MKLN1: variants seen among roughly 807,000 people sequenced by gnomAD.
MKLN1 encodes the protein muskelin.
In MKLN1, 18 loss-of-function variants were observed where a neutral mutation model predicts 99.0. The observed-to-expected ratio is 0.18, with a 90% confidence interval of 0.13 to 0.27. MKLN1 has a LOEUF of 0.27. Among genes scored for constraint, MKLN1 ranks in the 10% least tolerant of loss-of-function variants. MKLN1 has a pLI of 1.00. For synonymous variants in MKLN1, 288 were observed against 293.2 expected (o/e 0.98, Z 0.18); for missense variants, 621 against 875.9 (o/e 0.71, Z 3.67).
chr7:131,246,567 T>A (rs551820613), intron 3 of MKLN1, among the ~76,000 whole-genome samples: 1 of 152,346 alleles, frequency 6.6e-6, no homozygotes, highest in Non-Finnish European at 1.5e-5. Context: ...TCTTTGCCTT[T>A]TAATTATTGA....
At chr7:131,458,950 A>T (rs142114600) in intron 12 of MKLN1, among the ~76,000 whole-genome samples, 1 of 152,220 alleles carries the variant, frequency 6.6e-6, no homozygotes, top group Non-Finnish European at 1.5e-5. Context: ...TGACACTCCT[A>T]TAATAAAAGA....
intron 3 of MKLN1, among the ~76,000 whole-genome samples, chr7:131,300,519 T>TTAA (rs1554548818): frequency 7.2e-6 from 1 of 139,032 alleles, no homozygotes; most frequent in Non-Finnish European, 1.5e-5. Flanking sequence ...TGTCTCTAGT[T>TTAA]AAAAAAAAAA....
At chr7:131,220,667 C>T (rs1014909649) in intron 3 of MKLN1, among the ~76,000 whole-genome samples, 1 of 152,044 alleles carries the variant, frequency 6.6e-6, no homozygotes, top group African/African-American at 2.4e-5. Context: ...AGCAGCTATT[C>T]GCTCATGCTG....
intron 2 of MKLN1, among the ~76,000 whole-genome samples, chr7:131,152,824 T>G (rs891956140): frequency 6.6e-6 from 1 of 152,034 alleles, no homozygotes; most frequent in African/African-American, 2.4e-5. Context: ...TACACTGAAG[T>G]TGGTTGATAT....
At chr7:131,333,847 A>G (rs1481843573) in intron 1 of MKLN1, among the ~76,000 whole-genome samples, 1 of 152,122 alleles carries the variant, frequency 6.6e-6, no homozygotes, top group Non-Finnish European at 1.5e-5. Flanking sequence ...AAAATTTTGA[A>G]CTCATTGGTG....
intron 1 of MKLN1, among the ~76,000 whole-genome samples, chr7:131,335,935 G>A (rs750529034): frequency 3.3e-5 from 5 of 151,014 alleles, no homozygotes; most frequent in Admixed American, 6.6e-5. Flanking sequence ...TTAAGTTCAA[G>A]TTTGTAAATT....
At chr7:131,110,338 G>T in intron 1 of MKLN1, 1 of 161,768 alleles carries the variant, frequency 6.2e-6, no homozygotes, top group East Asian at 1.9e-4. Context: ...AGGGACCCAG[G>T]CCGTAATAAG....
intron 2 of MKLN1, among the ~76,000 whole-genome samples, chr7:131,181,890 C>T (rs1200052953): frequency 6.6e-6 from 1 of 152,160 alleles, no homozygotes; most frequent in Non-Finnish European, 1.5e-5. Context: ...GGACTACTGA[C>T]CTCAAGTGAT....
chr7:131,430,315 T>C (rs2116435913), intron 9 of MKLN1, among the ~76,000 whole-genome samples: 1 of 152,224 alleles, frequency 6.6e-6, no homozygotes, highest in South Asian at 2.1e-4. Flanking sequence ...TGGACAGTTT[T>C]TATTTTTTCA....
At chr7:131,478,118 G>A (rs978427043) in intron 16 of MKLN1, among the ~76,000 whole-genome samples, 9 of 152,094 alleles carry the variant, frequency 5.9e-5, no homozygotes, top group Non-Finnish European at 7.4e-5. Context: ...ATATAATTGT[G>A]GAATCTCAAT....
At position 131,155,691 on chromosome 7, in the gene MKLN1, C is replaced by T. The variant is rs192111978; in HGVS notation, c.-297+12750C>T. ...AAATCATAGACTGTTACAGCTAGAG[C>T]GATCTTAAAGATCGTCTGGCCTAAC... On this transcript the variant is annotated intron_variant, in intron 2 of 7. Transcript: ENST00000416992. 2.3e-3 allele frequency among the ~76,000 whole-genome samples: 344 copies of T among 152,126 alleles called. 3 individuals are homozygous for T. The highest frequency in any genetic ancestry group is 7.5e-3 in the African/African-American group (310 of 41,490).
intron 1 of MKLN1, among the ~76,000 whole-genome samples, chr7:131,124,907 G>C (rs914571514): frequency 1.3e-5 from 2 of 152,166 alleles, no homozygotes; most frequent in African/African-American, 4.8e-5. Flanking sequence ...AGGCTAAACT[G>C]CCTGGTATTA....
At chr7:131,463,428 CA>C (rs1796573280) in intron 13 of MKLN1, 64 bp downstream of exon 13, 1 of 1,480,542 alleles carries the variant, frequency 6.8e-7, no homozygotes, top group African/African-American at 1.4e-5. Context: ...TTGGTTTATT[CA>C]AAAAAGAGAG....
intron 3 of MKLN1, among the ~76,000 whole-genome samples, chr7:131,263,792 A>G (rs1374129931): frequency 6.6e-6 from 1 of 151,256 alleles, no homozygotes; most frequent in Non-Finnish European, 1.5e-5. Context: ...CTGGTCTCAA[A>G]CTCCTGACCT....
At chr7:131,482,360 A>G (rs1797148402) in intron 17 of MKLN1, among the ~76,000 whole-genome samples, 1 of 152,020 alleles carries the variant, frequency 6.6e-6, no homozygotes, top group African/African-American at 2.4e-5. Flanking sequence ...ATGCTGAGCT[A>G]ATTTTTTTTT....
intron 2 of MKLN1, among the ~76,000 whole-genome samples, chr7:131,156,447 CAAAAAAAAAA>C (rs143988738): frequency 1.3e-5 from 1 of 74,672 alleles, no homozygotes; most frequent in Admixed American, 1.7e-4. Context: ...GACTCTGTCT[CAAAAAAAAAA>C]AAAAAAAAAA....
intron 2 of MKLN1, among the ~76,000 whole-genome samples, chr7:131,154,944 G>A (rs1795942565): frequency 6.6e-6 from 1 of 152,120 alleles, no homozygotes; most frequent in Admixed American, 6.6e-5. Context: ...GTGGCAGTGG[G>A]GGAGAGAGTG....
In MKLN1 at chr7:131,322,538, G is replaced by C. The variant is rs1416074684; in HGVS notation, c.-178-52886G>C. 2.7e-5 allele frequency among the ~76,000 whole-genome samples: 4 copies of C among 149,428 alleles called. No individual in the cohort carries two copies. The East Asian group carries it at 8.0e-4, about 30-fold the overall frequency. Reference sequence around the variant, plus strand: ...CAAGGCAGTAGGAGAGAGAAAGCCAGAAAGGGAACTGCCAAACACTTTTTT... The same window carrying C: ...CAAGGCAGTAGGAGAGAGAAAGCCACAAAGGGAACTGCCAAACACTTTTTT... On this transcript the variant is annotated intron_variant, in intron 3 of 7. Transcript: ENST00000416992.
At chr7:131,219,045 G>C (rs1041383352) in intron 3 of MKLN1, among the ~76,000 whole-genome samples, 47 of 152,146 alleles carry the variant, frequency 3.1e-4, no homozygotes, top group African/African-American at 1.0e-3. Context: ...GTTGCCAGAA[G>C]CTGGGGGAGG....
Sources: gnomAD v4.1 joint callset for allele counts (sites outside exome capture counted in the v4.1 genomes callset) on GRCh38, gnomAD v4.1.1 for gene constraint, MANE v1.5 for transcripts, NCBI Gene and HGNC (gene_info 2026-07-23, HGNC 2026-07-21) for gene names.